The following PDE9A variants were observed in gnomAD, a reference collection of about 807,000 sequenced individuals.
PDE9A encodes phosphodiesterase 9A, also known as high affinity cGMP-specific 3',5'-cyclic phosphodiesterase 9A.
PDE9A carries 60 observed loss-of-function variants against 87.4 expected under a neutral mutation model. The observed-to-expected ratio is 0.69, with a 90% CI of 0.56 to 0.85. The LOEUF (loss-of-function observed/expected upper bound fraction) is 0.85, where lower values mean the gene tolerates loss of function less well. PDE9A is among the 40% of genes least tolerant of loss of function. The pLI is 0.00. For synonymous variants in PDE9A, 272 were observed against 279.4 expected (o/e 0.97, Z 0.27); for missense variants, 665 against 779.0 (o/e 0.85, Z 1.74).
At chr21:42,765,526 C>T (rs773694056) in intron 15 of PDE9A, 32 bp downstream of exon 15, 1 of 1,264,222 alleles carries the variant, frequency 7.9e-7, no homozygotes, top group South Asian at 1.2e-5. Context: ...GGTGGGCAGC[C>T]AGGCGGTGGG....
At chr21:42,772,579 A>G in intron 19 of PDE9A, 59 bp downstream of exon 19, 1 of 1,172,850 alleles carries the variant, frequency 8.5e-7, no homozygotes, top group Non-Finnish European at 1.2e-6. Context: ...GACAAAGGAC[A>G]GAAGGAAAGA....
Position 42,769,085 on chromosome 21 carries a change from T to C in PDE9A, c.1520T>C (p.Val507Ala). 1 of 1,613,786 alleles carries C rather than the reference T, an allele frequency of 6.2e-7. No homozygotes were observed. Among genetic ancestry groups the C allele is most frequent in the South Asian group, 1.1e-5 (1 of 91,052 alleles). Residue 507 changes from valine (V) to alanine (A), a missense_variant, in exon 17 of 20, where the codon GTG becomes GCG. By Grantham distance (64) the Val-to-Ala change is moderately conservative. Coordinates refer to ENST00000291539, the MANE Select transcript of PDE9A (RefSeq NM_002606.3). ...GCACCGTTCATGGACCGAGACAAAG[T>C]GACCAAGGCCACAGCCCAGATTGGG... is the stretch of plus-strand genomic sequence containing the variant. ...PVAPFMDRDK[V>A]TKATAQIGFI...
chr21:42,774,979 T>A (rs1602633062), intron 19 of PDE9A, among the ~76,000 whole-genome samples: 1 of 151,112 alleles, frequency 6.6e-6, no homozygotes, highest in Middle Eastern at 3.4e-3. Flanking sequence ...TCTCGCTCTG[T>A]TGCCCAGGCT....
rs1465809729 is a variant in PDE9A, at chr21:42,733,354, A to G, written c.498-2A>G. 2 of 1,562,942 alleles carry G rather than the reference A, an allele frequency of 1.3e-6. No individual in the cohort carries two copies. The highest frequency in any genetic ancestry group is 3.3e-5 in the Admixed American group (2 of 59,916). On this transcript the variant is annotated splice_acceptor_variant, in intron 6 of 19. Coordinates refer to ENST00000291539, the MANE Select transcript of PDE9A (RefSeq NM_002606.3). LOFTEE classifies it high-confidence loss of function. ...ACTCTCTCTTTTCTTTTTCATTCCT[A>G]GAGCATTCAAAATCAATGAACTGAA...
intron 1 of PDE9A, among the ~76,000 whole-genome samples, chr21:42,684,279 A>G (rs939252618): frequency 1.3e-5 from 2 of 152,352 alleles, no homozygotes; most frequent in Admixed American, 6.5e-5. Flanking sequence ...TGCCCTCTGC[A>G]GACTGGGGTT....
intron 4 of PDE9A, among the ~76,000 whole-genome samples, chr21:42,716,277 A>T (rs113614449): frequency 0.013 from 1,987 of 151,876 alleles, 42 homozygotes; most frequent in African/African-American, 0.046. Flanking sequence ...ATCTTTTGGT[A>T]ACAGCATGTT....
chr21:42,696,873 C>A lies in PDE9A; in HGVS notation c.219-2095C>A, dbSNP rs928812691. 1.3e-5 allele frequency among the ~76,000 whole-genome samples: 2 copies of A among 152,188 alleles called. No individual in the cohort carries two copies. The highest frequency in any genetic ancestry group is 2.9e-5 in the Non-Finnish European group (2 of 68,026). ...GAGGGGCCCTAGTCCCGATGACGAC[C>A]GAGTGCCCTCTCCACCTGGGGAGCT... On this transcript the variant is annotated intron_variant, in intron 3 of 19. Transcript: ENST00000291539. This position sits in a 1 kb window ranked among gnomAD's most constrained non-coding sequence, Gnocchi z 5.1.
chr21:42,683,617 C>A (rs2059290054), intron 1 of PDE9A, among the ~76,000 whole-genome samples: 1 of 152,208 alleles, frequency 6.6e-6, no homozygotes, highest in Admixed American at 6.5e-5. Context: ...TGGAGAAGCC[C>A]CAGGCCCATG....
chr21:42,741,798 G>T (rs920728198), intron 7 of PDE9A: 1 of 152,216 alleles, frequency 6.6e-6, no homozygotes, highest in Non-Finnish European at 1.5e-5. Context: ...TTCCTTTGGG[G>T]TGGGAAGGAG....
intron 1 of PDE9A, among the ~76,000 whole-genome samples, chr21:42,661,713 C>A (rs114930848): frequency 6.6e-6 from 1 of 152,238 alleles, no homozygotes; most frequent in Non-Finnish European, 1.5e-5. Flanking sequence ...TGCAAAGGGC[C>A]GGCCTGTTGT....
At chr21:42,721,037 A>G (rs1259999291) in intron 4 of PDE9A, among the ~76,000 whole-genome samples, 3 of 151,946 alleles carry the variant, frequency 2.0e-5, no homozygotes, top group Non-Finnish European at 2.9e-5. Context: ...GCTAACATGC[A>G]TGAACCACCT....
intron 4 of PDE9A, among the ~76,000 whole-genome samples, chr21:42,725,910 A>G (rs554903470): frequency 1.3e-5 from 2 of 152,252 alleles, no homozygotes; most frequent in Non-Finnish European, 2.9e-5. Context: ...AACCTACCAG[A>G]CTGTTTTCAG....
At chr21:42,740,704 GTAGATAGATAGATAGATAGA>G (rs58108928) in intron 7 of PDE9A, among the ~76,000 whole-genome samples, 2 of 133,346 alleles carry the variant, frequency 1.5e-5, no homozygotes, top group Admixed American at 7.5e-5. Context: ...TAGGTAGGTA[GTAGATAGATAGATAGATAGA>G]TAGATAGATA....
rs910273819 is a variant in PDE9A at position 42,702,309 on chromosome 21, T to C, written c.262+3298T>C. Among the ~76,000 whole-genome samples the C allele has an allele frequency of 1.3e-5, 2 of 152,154 alleles. No homozygotes were observed. The highest frequency in any genetic ancestry group is 1.5e-5 in the Non-Finnish European group (1 of 68,030). ...TTGCATTCTTCATCCCTAGGAATTA[T>C]GTTTCCCTCCTTTTTCGTATCTCCC... On this transcript the variant is annotated intron_variant, in intron 4 of 19. Coordinates refer to ENST00000291539, the MANE Select transcript of PDE9A (RefSeq NM_002606.3). The surrounding 1 kb of genome is among the most constrained non-coding windows in gnomAD (Gnocchi z 4.9).
chr21:42,667,034 A>G (rs1340647469), intron 1 of PDE9A, among the ~76,000 whole-genome samples: 1 of 141,192 alleles, frequency 7.1e-6, no homozygotes, highest in Non-Finnish European at 1.6e-5. Flanking sequence ...CAACCCCAGC[A>G]TGTTGAGGCG....
intron 9 of PDE9A, 33 bp from the exon 10 acceptor site, chr21:42,753,957 G>C (rs200634868): frequency 7.5e-7 from 1 of 1,330,848 alleles, no homozygotes; most frequent in African/African-American, 1.5e-5. Context: ...GGCCCACGGC[G>C]CCTGGTTAAC....
intron 1 of PDE9A, among the ~76,000 whole-genome samples, chr21:42,664,613 A>G (rs531192453): frequency 1.4e-5 from 2 of 144,060 alleles, no homozygotes; most frequent in East Asian, 2.3e-4. Context: ...TTTGTGCTTC[A>G]TTTTCTAATG....
At chr21:42,765,542 G>A (rs762402341) in intron 15 of PDE9A, 48 bp downstream of exon 15, 17 of 996,218 alleles carry the variant, frequency 1.7e-5, no homozygotes, top group Admixed American at 5.3e-5. Context: ...GTGGGCTGGC[G>A]AAGCAGGTCA....
At chr21:42,775,122 A>C (rs558728873) in intron 19 of PDE9A, among the ~76,000 whole-genome samples, 158 bp from the exon 20 acceptor site, 301 of 151,998 alleles carry the variant, frequency 2.0e-3, no homozygotes, top group African/African-American at 7.0e-3. Context: ...TTCTATTTTT[A>C]GTAGAGACAG....
Sources: gnomAD v4.1 joint callset for allele counts (sites outside exome capture counted in the v4.1 genomes callset) on GRCh38, gnomAD v4.1.1 for gene constraint, Gnocchi (gnomAD v3.1) non-coding constraint, MANE v1.5 for transcripts, NCBI Gene and HGNC (gene_info 2026-07-23, HGNC 2026-07-21) for gene names.